The following C7orf78 variants were observed in gnomAD, a reference collection of about 807,000 sequenced individuals.
C7orf78 encodes chromosome 7 open reading frame 78.
At chr7:12,525,257 T>C in the C7orf78 span, among the ~76,000 whole-genome samples, 92,758 of 151,872 alleles carry the variant, frequency 0.61, 29,576 homozygotes, top group African/African-American at 0.8. Context: ...GTTCTTGGAG[T>C]GTACAAATTC....
the C7orf78 span, among the ~76,000 whole-genome samples, chr7:12,497,515 C>T: frequency 1.1e-4 from 16 of 152,326 alleles, no homozygotes; most frequent in African/African-American, 2.6e-4. Context: ...TCGAATACTG[C>T]GCTTTTCCCA....
the C7orf78 span, among the ~76,000 whole-genome samples, chr7:12,523,582 T>C: frequency 6.6e-6 from 1 of 152,184 alleles, no homozygotes; most frequent in South Asian, 2.1e-4. Flanking sequence ...CATGGTACAA[T>C]ACAATTCACA....
chr7:12,541,865 A>G, the C7orf78 span: 2 of 152,132 alleles, frequency 1.3e-5, no homozygotes, highest in Admixed American at 1.3e-4. Flanking sequence ...CAAAAGAGAG[A>G]AGATCTCCAA....
At chr7:12,518,743 G>A in the C7orf78 span, among the ~76,000 whole-genome samples, 1 of 152,136 alleles carries the variant, frequency 6.6e-6, no homozygotes, top group African/African-American at 2.4e-5. Flanking sequence ...TGTGCAGGGG[G>A]ATAGGCTGTA....
At chr7:12,488,436 A>G in the C7orf78 span, among the ~76,000 whole-genome samples, 1 of 152,060 alleles carries the variant, frequency 6.6e-6, no homozygotes, top group Non-Finnish European at 1.5e-5. Flanking sequence ...AAACTAACTA[A>G]ATTGTAGCTT....
At chr7:12,528,631 G>A in the C7orf78 span, among the ~76,000 whole-genome samples, 2 of 152,348 alleles carry the variant, frequency 1.3e-5, no homozygotes, top group Middle Eastern at 3.4e-3. Flanking sequence ...AAGGTAGAGT[G>A]CAAAATATAC....
At chr7:12,510,908 T>C in the C7orf78 span, among the ~76,000 whole-genome samples, 1 of 152,212 alleles carries the variant, frequency 6.6e-6, no homozygotes, top group African/African-American at 2.4e-5. Flanking sequence ...CCCATTTGTC[T>C]ATTTTTGTTT....
the C7orf78 span, among the ~76,000 whole-genome samples, chr7:12,510,220 G>T: frequency 4.6e-5 from 7 of 152,066 alleles, no homozygotes; most frequent in South Asian, 1.5e-3. Flanking sequence ...CTGTCACCCA[G>T]GCTGGATCAC....
chr7:12,511,816 A>G, the C7orf78 span, among the ~76,000 whole-genome samples: 1 of 150,584 alleles, frequency 6.6e-6, no homozygotes, highest in Admixed American at 6.6e-5. Context: ...CAGTGGCACG[A>G]TCTCAGCTCA....
chr7:12,537,493 A>G, the C7orf78 span, among the ~76,000 whole-genome samples: 1 of 152,186 alleles, frequency 6.6e-6, no homozygotes, highest in Non-Finnish European at 1.5e-5. Flanking sequence ...GTATAGAGCA[A>G]TTAGAACTCC....
the C7orf78 span, among the ~76,000 whole-genome samples, chr7:12,502,707 A>G: frequency 5.3e-5 from 8 of 151,842 alleles, no homozygotes; most frequent in Non-Finnish European, 1.2e-4. Flanking sequence ...TGGAAATACC[A>G]TTTGACCCAG....
the C7orf78 span, among the ~76,000 whole-genome samples, chr7:12,535,317 T>A: frequency 3.1e-3 from 472 of 152,300 alleles, 3 homozygotes; most frequent in African/African-American, 0.011. Flanking sequence ...AAGGAGCAAG[T>A]CACATCCTAT....
the C7orf78 span, chr7:12,531,177 T>C: frequency 2.5e-6 from 1 of 396,666 alleles, no homozygotes; most frequent in Non-Finnish European, 4.4e-6. Context: ...AAATAAAACA[T>C]ATTTTATCAT....
At chr7:12,499,376 T>C in the C7orf78 span, among the ~76,000 whole-genome samples, 913 of 151,714 alleles carry the variant, frequency 6.0e-3, 1 homozygote, top group Non-Finnish European at 9.6e-3. Flanking sequence ...AATAAAAGGA[T>C]GGAGGAAGAT....
the C7orf78 span, among the ~76,000 whole-genome samples, chr7:12,488,430 T>C: frequency 6.6e-6 from 1 of 152,062 alleles, no homozygotes; most frequent in African/African-American, 2.4e-5. Flanking sequence ...AAATACAAAC[T>C]AACTAAATTG....
the C7orf78 span, among the ~76,000 whole-genome samples, chr7:12,505,621 C>A: frequency 6.6e-6 from 1 of 152,120 alleles, no homozygotes; most frequent in Non-Finnish European, 1.5e-5. Flanking sequence ...ACATCTTGGA[C>A]AACCTATAGG....
chr7:12,520,848 GCTGT>G, the C7orf78 span, among the ~76,000 whole-genome samples: 1 of 152,044 alleles, frequency 6.6e-6, no homozygotes, highest in Non-Finnish European at 1.5e-5. Context: ...TTATTGTATT[GCTGT>G]CTATCTCTCC....
At chr7:12,507,550 G>T in the C7orf78 span, 25 of 169,116 alleles carry the variant, frequency 1.5e-4, no homozygotes, top group Non-Finnish European at 2.8e-4. Context: ...GACATATTTA[G>T]ACTGCTGAAA....
At chr7:12,539,700 A>T in the C7orf78 span, among the ~76,000 whole-genome samples, 2 of 152,164 alleles carry the variant, frequency 1.3e-5, no homozygotes, top group Non-Finnish European at 1.5e-5. Context: ...GCCAAGGAAG[A>T]AGTCTTTAAT....
Sources: allele counts gnomAD v4.1 joint callset (sites outside exome capture counted in the v4.1 genomes callset), GRCh38; gene constraint gnomAD v4.1.1; transcripts MANE v1.5; gene names NCBI Gene and HGNC (gene_info 2026-07-23, HGNC 2026-07-21).